The following DCAF8L2 variants were observed in gnomAD, a reference collection of about 807,000 sequenced individuals.
The protein encoded by DCAF8L2 is DDB1- and CUL4-associated factor 8-like protein 2.
For synonymous variants in DCAF8L2, 200 were observed against 190.9 expected (o/e 1.05, Z -0.39); for missense variants, 430 against 490.7 (o/e 0.88, Z 1.17).
At chrX:27,689,213 A>T (rs929558019) in intron 3 of DCAF8L2, among the ~76,000 whole-genome samples, 3 of 112,446 alleles carry the variant, frequency 2.7e-5, no homozygotes, top group Non-Finnish European at 5.6e-5. Context: ...ATGTACTCAC[A>T]TATACACCAC....
chrX:27,611,120 T>C (rs759124012), intron 1 of DCAF8L2, among the ~76,000 whole-genome samples: 1 of 111,108 alleles, frequency 9.0e-6, no homozygotes, highest in African/African-American at 3.3e-5. Flanking sequence ...ATTGTGTTGA[T>C]CAGGTGGGAT....
the DCAF8L2 span, among the ~76,000 whole-genome samples, chrX:27,580,005 TG>T: frequency 2.7e-5 from 3 of 110,400 alleles, no homozygotes; most frequent in African/African-American, 9.8e-5. Flanking sequence ...GATACTTAAA[TG>T]TTTTTTTAAA....
chrX:27,585,393 G>T (rs1355619209), upstream of DCAF8L2, among the ~76,000 whole-genome samples: 1 of 111,578 alleles, frequency 9.0e-6, no homozygotes, highest in East Asian at 2.8e-4. Flanking sequence ...ATCTTCTATG[G>T]GTTCCCCATT....
At chrX:27,647,577 T>C (rs1422974105) in intron 2 of DCAF8L2, among the ~76,000 whole-genome samples, 1 of 111,250 alleles carries the variant, frequency 9.0e-6, no homozygotes, top group African/African-American at 3.3e-5. Flanking sequence ...CATAAAATAA[T>C]AAAAAATTAA....
chrX:27,651,021 T>C (rs1434468283), intron 2 of DCAF8L2, among the ~76,000 whole-genome samples: 1 of 112,052 alleles, frequency 8.9e-6, no homozygotes, highest in Non-Finnish European at 1.9e-5. Flanking sequence ...TTGGAGTTTA[T>C]CAAAAGCTTT....
At chrX:27,680,866 A>T (rs1482976307) in intron 3 of DCAF8L2, among the ~76,000 whole-genome samples, 1 of 112,348 alleles carries the variant, frequency 8.9e-6, no homozygotes, top group Admixed American at 9.5e-5. Flanking sequence ...AACTTGATTT[A>T]GTCAGTTTTA....
intron 2 of DCAF8L2, among the ~76,000 whole-genome samples, chrX:27,668,229 C>CA (rs1242881964): frequency 8.9e-6 from 1 of 111,887 alleles, no homozygotes; most frequent in Admixed American, 9.5e-5. Flanking sequence ...ATCCTACATA[C>CA]ATCCTGCCAG....
Position 27,747,867 on chromosome X carries a change from G to C in DCAF8L2, c.972G>C (p.Leu324Phe), listed in dbSNP as rs977893155. 1 of 1,210,129 alleles carries C rather than the reference G, an allele frequency of 8.3e-7. No individual in the cohort carries two copies. The highest frequency in any genetic ancestry group is 1.1e-6 in the Non-Finnish European group (1 of 894,430). ...VAQHRGPAHKLALEPDSPYKF... is the reference protein window; with the variant it reads ...VAQHRGPAHKFALEPDSPYKF... ...AGCACAGGGGACCTGCCCACAAGTT[G>C]GCTCTGGAGCCTGACTCTCCTTATA... is the stretch of plus-strand genomic sequence containing the variant. The change falls in exon 5 of 5, where the codon TTG becomes TTC. Residue 324 changes from leucine to phenylalanine, a missense_variant. Transcript: ENST00000451261.
the DCAF8L2 span, among the ~76,000 whole-genome samples, chrX:27,488,096 T>C: frequency 8.9e-6 from 1 of 112,257 alleles, no homozygotes; most frequent in Non-Finnish European, 1.9e-5. Context: ...AAAGTTGTTG[T>C]AACTTATTTC....
chrX:27,627,537 TTGTGTG>T (rs58826584), intron 1 of DCAF8L2: 34,077 of 90,524 alleles, frequency 0.38, 5,861 homozygotes, highest in South Asian at 0.57. Context: ...GTTGTTTTTG[TTGTGTG>T]TGTGTGTGTG....
intron 3 of DCAF8L2, among the ~76,000 whole-genome samples, chrX:27,703,937 AAGG>A (rs1244846882): frequency 9.2e-6 from 1 of 108,753 alleles, no homozygotes; most frequent in Non-Finnish European, 1.9e-5. Flanking sequence ...GATCACCATA[AAGG>A]AAGTGAAAAG....
Position 27,639,217 on chromosome X carries a change from T to G in DCAF8L2, c.-220+7217T>G, listed in dbSNP as rs928336605. Among the ~76,000 whole-genome samples, 5 of 111,677 alleles carry G rather than the reference T, an allele frequency of 4.5e-5. No homozygotes were observed. The Admixed American group carries it at 4.8e-4, about 11-fold the overall frequency. Reference sequence around the variant, plus strand: ...ACAAACATTGCATGTTGTCACTTATTTGTGGGATGTAAACATCAAAACAAC... The same window carrying G: ...ACAAACATTGCATGTTGTCACTTATGTGTGGGATGTAAACATCAAAACAAC... On this transcript the variant is annotated intron_variant, in intron 2 of 4. Transcript: ENST00000451261.
At chrX:27,616,671 C>G (rs973639082) in intron 1 of DCAF8L2, among the ~76,000 whole-genome samples, 1 of 111,348 alleles carries the variant, frequency 9.0e-6, no homozygotes, top group African/African-American at 3.3e-5. Context: ...CGTTGATTCT[C>G]TCTTAAGGCG....
the DCAF8L2 span, among the ~76,000 whole-genome samples, chrX:27,527,878 C>T: frequency 3.7e-5 from 4 of 108,950 alleles, no homozygotes; most frequent in Non-Finnish European, 5.7e-5. Flanking sequence ...TCTCAAACTC[C>T]TGACCTCAGG....
At chrX:27,504,316 A>G in the DCAF8L2 span, among the ~76,000 whole-genome samples, 1 of 111,766 alleles carries the variant, frequency 8.9e-6, no homozygotes, top group East Asian at 2.8e-4. Context: ...AAATTCTGTG[A>G]TTTTAGGCAT....
chrX:27,496,751 GT>G, the DCAF8L2 span, among the ~76,000 whole-genome samples: 1 of 111,974 alleles, frequency 8.9e-6, no homozygotes, highest in East Asian at 2.8e-4. Context: ...TAGAAATCTA[GT>G]TTTGTAATGG....
At chrX:27,634,250 G>T (rs1928408087) in intron 2 of DCAF8L2, among the ~76,000 whole-genome samples, 1 of 111,668 alleles carries the variant, frequency 9.0e-6, no homozygotes, top group African/African-American at 3.3e-5. Context: ...TAAATTACTT[G>T]TAAGTAGTCT....
the DCAF8L2 span, among the ~76,000 whole-genome samples, chrX:27,538,620 C>G: frequency 0.16 from 17,388 of 109,795 alleles, 1,156 homozygotes; most frequent in East Asian, 0.36. Context: ...TCTCAAACTC[C>G]TGACCTCGTG....
the DCAF8L2 span, among the ~76,000 whole-genome samples, chrX:27,506,017 A>G: frequency 8.9e-6 from 1 of 112,443 alleles, no homozygotes; most frequent in Admixed American, 9.5e-5. Flanking sequence ...ATGTGAATTT[A>G]AAAGAATCAT....
Sources: gnomAD v4.1 joint callset for allele counts (sites outside exome capture counted in the v4.1 genomes callset) on GRCh38, gnomAD v4.1.1 for gene constraint, MANE v1.5 for transcripts, NCBI Gene and HGNC (gene_info 2026-07-23, HGNC 2026-07-21) for gene names.